Variants in TRIM33 observed in about 807,000 individuals in gnomAD.
TRIM33 encodes the protein E3 ubiquitin-protein ligase TRIM33.
Under a neutral mutation model 125.4 loss-of-function variants are expected in TRIM33, and 20 were observed. That is an observed-to-expected ratio of 0.16 (90% confidence interval 0.11 to 0.23). The LOEUF is 0.23. Ranked by LOEUF, TRIM33 falls within the 10% of genes least tolerant of loss-of-function variation. The pLI is 1.00. For missense variants in TRIM33, 920 were observed against 1,411.4 expected, an observed-to-expected ratio of 0.65 and a Z score of 5.58; for synonymous variants, 564 against 513.9, an observed-to-expected ratio of 1.10 and a Z score of -1.32.
At chr1:114,458,686 A>C (rs1176622425) in intron 4 of TRIM33, among the ~76,000 whole-genome samples, 2 of 152,284 alleles carry the variant, frequency 1.3e-5, no homozygotes, top group East Asian at 3.9e-4. Flanking sequence ...GCCACTCTGC[A>C]ATTATTAAAC....
intron 10 of TRIM33, among the ~76,000 whole-genome samples, chr1:114,421,983 T>G (rs1483180815): frequency 6.6e-6 from 1 of 152,218 alleles, no homozygotes; most frequent in Non-Finnish European, 1.5e-5. Context: ...CTCTTCGACC[T>G]TTAGTCATTT....
chr1:114,472,007 T>C (rs541318143), intron 1 of TRIM33, among the ~76,000 whole-genome samples: 3 of 152,226 alleles, frequency 2.0e-5, no homozygotes, highest in African/African-American at 7.2e-5. Context: ...GTGTAAATAC[T>C]GCTGCAGAAA....
At chr1:114,462,564 TAC>T (rs941311338) in intron 4 of TRIM33, among the ~76,000 whole-genome samples, 8 of 152,206 alleles carry the variant, frequency 5.3e-5, no homozygotes, top group African/African-American at 1.4e-4. Context: ...GAAATTTTTG[TAC>T]AGTTTCCAAA....
At chr1:114,405,181 T>A in intron 15 of TRIM33, 1 of 452,778 alleles carries the variant, frequency 2.2e-6, no homozygotes. Context: ...ATACTGAATA[T>A]AAACTAAAGG....
At chr1:114,510,378 T>G (rs567601220) in intron 1 of TRIM33, among the ~76,000 whole-genome samples, 173 bp downstream of exon 1, 1 of 151,752 alleles carries the variant, frequency 6.6e-6, no homozygotes, top group Non-Finnish European at 1.5e-5. Flanking sequence ...TCCCCTTATC[T>G]CTTGCGGTCC....
intron 1 of TRIM33, among the ~76,000 whole-genome samples, chr1:114,484,817 A>G (rs1440486564): frequency 6.6e-6 from 1 of 152,178 alleles, no homozygotes; most frequent in African/African-American, 2.4e-5. Flanking sequence ...GTGAGCCCAC[A>G]TCGCACCACT....
At chr1:114,495,105 G>A (rs1337456723) in intron 1 of TRIM33, among the ~76,000 whole-genome samples, 2 of 152,110 alleles carry the variant, frequency 1.3e-5, no homozygotes, top group Non-Finnish European at 2.9e-5. Flanking sequence ...GGTAGAGATG[G>A]GATTTCACCA....
intron 4 of TRIM33, among the ~76,000 whole-genome samples, chr1:114,454,330 A>T (rs1265153966): frequency 6.6e-6 from 1 of 152,194 alleles, no homozygotes; most frequent in Non-Finnish European, 1.5e-5. Context: ...GGAATTTAGA[A>T]ATGGTAGACC....
intron 4 of TRIM33, among the ~76,000 whole-genome samples, chr1:114,441,048 CG>C (rs1435184690): frequency 1.3e-5 from 2 of 152,210 alleles, no homozygotes; most frequent in Non-Finnish European, 2.9e-5. Flanking sequence ...TGGCTCACCC[CG>C]TAATCCGCAA....
chr1:114,406,376 A>C (rs531044921), intron 14 of TRIM33, among the ~76,000 whole-genome samples: 3 of 152,226 alleles, frequency 2.0e-5, no homozygotes, highest in Non-Finnish European at 4.4e-5. Context: ...AAGGAAAAAG[A>C]AGCCCGGTCA....
At chr1:114,429,149 A>T (rs1026526431) in intron 6 of TRIM33, among the ~76,000 whole-genome samples, 3 of 151,890 alleles carry the variant, frequency 2.0e-5, no homozygotes, top group Non-Finnish European at 4.4e-5. Context: ...GGTGTACAGT[A>T]GGAAAAGGGA....
At chr1:114,436,231 T>C (rs988083826) in intron 4 of TRIM33, among the ~76,000 whole-genome samples, 1 of 151,152 alleles carries the variant, frequency 6.6e-6, no homozygotes, top group Non-Finnish European at 1.5e-5. Context: ...TGAAACCCTG[T>C]CTCTACTAAA....
intron 4 of TRIM33, among the ~76,000 whole-genome samples, chr1:114,450,336 T>C (rs928261081): frequency 1.3e-5 from 2 of 152,124 alleles, no homozygotes; most frequent in East Asian, 3.9e-4. Context: ...TTGTTTTGTT[T>C]TGTTTTGTTT....
chr1:114,506,741 T>C (rs1653028702), intron 1 of TRIM33, among the ~76,000 whole-genome samples: 1 of 152,200 alleles, frequency 6.6e-6, no homozygotes, highest in Admixed American at 6.5e-5. Context: ...AAAAACACTT[T>C]AAAAAGCTCA....
intron 1 of TRIM33, among the ~76,000 whole-genome samples, chr1:114,508,114 CA>C (rs916956043): frequency 2.6e-5 from 4 of 151,512 alleles, no homozygotes; most frequent in Non-Finnish European, 4.4e-5. Flanking sequence ...GAGACTGTCT[CA>C]AAAAAAAATT....
chr1:114,490,745 T>C (rs548458943), intron 1 of TRIM33: 1 of 152,250 alleles, frequency 6.6e-6, no homozygotes, highest in South Asian at 2.1e-4. Context: ...AGGTAGTGAG[T>C]TATCTCAACA....
chr1:114,441,571 C>A (rs892762215), intron 4 of TRIM33, among the ~76,000 whole-genome samples: 3 of 152,152 alleles, frequency 2.0e-5, no homozygotes, highest in African/African-American at 7.2e-5. Flanking sequence ...AAGATAGGAA[C>A]TAGGCATGCA....
chr1:114,429,571 T>G (rs945604309), intron 6 of TRIM33, among the ~76,000 whole-genome samples: 5 of 151,998 alleles, frequency 3.3e-5, no homozygotes, highest in Non-Finnish European at 4.4e-5. Flanking sequence ...TGACATCATT[T>G]CATTTTTATG....
intron 14 of TRIM33, 51 bp downstream of exon 14, chr1:114,406,890 A>T (rs1652279982): frequency 6.4e-7 from 1 of 1,565,704 alleles, no homozygotes; most frequent in Non-Finnish European, 8.7e-7. Context: ...AGCTGAAAGA[A>T]TCAATGAAGT....
Sources: allele counts gnomAD v4.1 joint callset (sites outside exome capture counted in the v4.1 genomes callset), GRCh38; gene constraint gnomAD v4.1.1; transcripts MANE v1.5; gene names NCBI Gene and HGNC (gene_info 2026-07-23, HGNC 2026-07-21).